The following GRIPAP1 variants were observed in gnomAD, a reference collection of about 807,000 sequenced individuals.
The protein encoded by GRIPAP1 is GRIP1-associated protein 1.
Under a neutral mutation model 84.1 loss-of-function variants are expected in GRIPAP1, and 14 were observed. That is an observed-to-expected ratio of 0.17 (90% CI 0.11 to 0.26). The LOEUF (loss-of-function observed/expected upper bound fraction) is 0.26, where lower values mean the gene tolerates loss of function less well. GRIPAP1 is among the 10% of genes least tolerant of loss of function. GRIPAP1 has a pLI of 1.00. For synonymous variants in GRIPAP1, 261 were observed against 256.8 expected (o/e 1.02, Z -0.15); for missense variants, 518 against 674.2 (o/e 0.77, Z 2.57).
intron 12 of GRIPAP1, 77 bp from the exon 13 acceptor site, chrX:48,987,954 G>GACAC (rs781921365): frequency 0.062 from 21,245 of 345,185 alleles, 609 homozygotes; most frequent in Admixed American, 0.074. Flanking sequence ...AGAAAGAAAG[G>GACAC]ACACACACAC....
At chrX:49,002,046 A>T in intron 1 of GRIPAP1, 142 bp downstream of exon 1, 1 of 415,691 alleles carries the variant, frequency 2.4e-6, no homozygotes, top group Non-Finnish European at 4.3e-6. Context: ...CACCACTCCG[A>T]GCCTCAGTTT....
chrX:48,987,954 GACACACACACAC>G (rs781921365), intron 12 of GRIPAP1, 77 bp from the exon 13 acceptor site: 1,005 of 356,718 alleles, frequency 2.8e-3, no homozygotes, highest in Middle Eastern at 4.6e-3. Flanking sequence ...AGAAAGAAAG[GACACACACACAC>G]ACACACACAC....
chrX:48,978,473 C>G, intron 21 of GRIPAP1, 38 bp from the exon 22 acceptor site: 1 of 1,133,067 alleles, frequency 8.8e-7, no homozygotes, highest in South Asian at 2.1e-5. Flanking sequence ...AGCCCCAATA[C>G]CCCTGAGTCC....
chrX:48,980,964 A>G (rs1362972956), intron 21 of GRIPAP1, among the ~76,000 whole-genome samples: 1 of 111,789 alleles, frequency 8.9e-6, no homozygotes, highest in East Asian at 2.8e-4. Flanking sequence ...GGAAAGAGAG[A>G]GAACAAACTG....
chrX:48,982,778 C>G lies in GRIPAP1; in HGVS notation c.1599+201G>C, dbSNP rs1327908190. Among the ~76,000 whole-genome samples the G allele has an allele frequency of 1.1e-4, 12 of 112,550 alleles. No homozygotes were observed. The Admixed American group carries it at 1.1e-3, about 11-fold the overall frequency. On this transcript the variant is annotated intron_variant, in intron 17 of 25. Coordinates refer to ENST00000376423, the MANE Select transcript of GRIPAP1 (RefSeq NM_020137.5). ...CCAAATTTGCACAAAGGCAGGGCAGCCTTAACACGTGACAGTCTGTCCTAT... is the reference window on the plus strand; with the variant it reads ...CCAAATTTGCACAAAGGCAGGGCAGGCTTAACACGTGACAGTCTGTCCTAT...
rs1230664462 is a variant in GRIPAP1 at position 48,983,310 on chromosome X, C to T, written c.1403G>A (p.Arg468His). The stretch of plus-strand genomic sequence containing the variant: ...CAGCTCTCGGAGCTCACGCTCATAG[C>T]GGGCACGCACCCCCAGCACCTCCTT... The part of the protein sequence containing the change: ...HEKEVLGVRA[R>H]YERELRELHE... The change falls in exon 16 of 26, where the codon CGC becomes CAC. Residue 468 changes from arginine to histidine, a missense_variant. By Grantham distance (29) the Arg-to-His change is conservative. Transcript: ENST00000376423. The T allele has an allele frequency of 1.6e-5, 19 of 1,210,815 alleles. No individual in the cohort carries two copies. The highest frequency in any genetic ancestry group is 3.5e-5 in the South Asian group (2 of 56,920).
intron 8 of GRIPAP1, 102 bp from the exon 9 acceptor site, chrX:48,990,105 C>A: frequency 1.5e-6 from 1 of 675,327 alleles, no homozygotes. Context: ...TTTTTGGAAG[C>A]CAGGATTTAC....
intron 24 of GRIPAP1, chrX:48,975,555 G>C: frequency 2.7e-6 from 1 of 375,457 alleles, no homozygotes; most frequent in Non-Finnish European, 4.6e-6. Flanking sequence ...GAAGCACAGA[G>C]CACACAGAAA....
chrX:48,993,174 C>G (rs1236952251), intron 6 of GRIPAP1, among the ~76,000 whole-genome samples: 3 of 112,965 alleles, frequency 2.7e-5, no homozygotes, highest in Non-Finnish European at 5.6e-5. Flanking sequence ...CTGCTAGGTA[C>G]CAGACACTGA....
Position 48,999,308 on chromosome X carries a change from G to A in GRIPAP1, c.110-9C>T, listed in dbSNP as rs376683945. 28 of 1,193,288 alleles carry A rather than the reference G, an allele frequency of 2.3e-5. No homozygotes were observed. Among genetic ancestry groups the A allele is most frequent in the Admixed American group, 4.4e-5 (2 of 45,559 alleles). The stretch of plus-strand genomic sequence containing the variant: ...TCGAAGACTGGTGAGTTCTGGTGTC[G>A]GGAAAGCAGGGAAACTCAGCCTCAG... On this transcript the variant is annotated splice_polypyrimidine_tract_variant and intron_variant, in intron 2 of 25. Coordinates refer to ENST00000376423, the MANE Select transcript of GRIPAP1 (RefSeq NM_020137.5).
intron 21 of GRIPAP1, among the ~76,000 whole-genome samples, chrX:48,978,703 G>A: frequency 9.1e-6 from 1 of 109,913 alleles, no homozygotes; most frequent in Middle Eastern, 4.7e-3. Flanking sequence ...AGAACAGCCT[G>A]GCCAACATGA....
intron 11 of GRIPAP1, 149 bp downstream of exon 11, chrX:48,989,462 C>T (rs2064508763): frequency 2.3e-6 from 1 of 442,495 alleles, no homozygotes; most frequent in South Asian, 3.6e-5. Flanking sequence ...CTCTCCAATT[C>T]CCATTTTCCT....
At chrX:48,974,692 C>T (rs782234381) in intron 25 of GRIPAP1, among the ~76,000 whole-genome samples, 2 of 111,737 alleles carry the variant, frequency 1.8e-5, no homozygotes, top group Non-Finnish European at 3.8e-5. Flanking sequence ...GACCCATGGG[C>T]ATGGGGGATC....
intron 13 of GRIPAP1, among the ~76,000 whole-genome samples, chrX:48,986,297 C>T (rs782573292): frequency 9.1e-6 from 1 of 109,790 alleles, no homozygotes; most frequent in South Asian, 4.0e-4. Flanking sequence ...ACCTATAATC[C>T]CAGCACTTTG....
Position 48,983,763 on chromosome X carries a change from A to T in GRIPAP1, c.1272+12T>A. ...CCCCCATCCTCTCCCTTCAACCCTC[A>T]TGTTCCCCTACCTTCCGAGCCTCCT... On this transcript the variant is annotated intron_variant, in intron 15 of 25. Coordinates refer to ENST00000376423, the MANE Select transcript of GRIPAP1 (RefSeq NM_020137.5). 9.6e-7 allele frequency: 1 copy of T among 1,042,411 alleles called. No individual in the cohort carries two copies. The allele number at this position is 1,042,411 out of a possible 1,213,427, so 85.9% of individuals were successfully genotyped here.
chrX:49,001,122 A>ACACC (rs1357293053), intron 1 of GRIPAP1, among the ~76,000 whole-genome samples: 4 of 111,127 alleles, frequency 3.6e-5, no homozygotes, highest in African/African-American at 1.3e-4. Context: ...GAATGGCCCT[A>ACACC]CACCCTTCAG....
At chrX:48,978,171 G>A (rs1032851856) in intron 22 of GRIPAP1, 134 bp downstream of exon 22, 2 of 653,054 alleles carry the variant, frequency 3.1e-6, no homozygotes, top group Non-Finnish European at 4.6e-6. Flanking sequence ...GGTGGGCTTG[G>A]GGAAAAGTTG....
chrX:48,975,368 A>C (rs1183388123), intron 24 of GRIPAP1, 59 bp from the exon 25 acceptor site: 3 of 1,094,099 alleles, frequency 2.7e-6, no homozygotes, highest in Non-Finnish European at 3.7e-6. Context: ...AGCCAGGCAG[A>C]GCCAGAGGAG....
chrX:48,978,277 G>C (rs782469715), intron 22 of GRIPAP1, 28 bp downstream of exon 22: 1 of 1,206,106 alleles, frequency 8.3e-7, no homozygotes, highest in East Asian at 3.0e-5. Context: ...AGAGAAGCTG[G>C]AGCTGTAGGT....
Sources: gnomAD v4.1 joint callset for allele counts (sites outside exome capture counted in the v4.1 genomes callset) on GRCh38, gnomAD v4.1.1 for gene constraint, MANE v1.5 for transcripts, NCBI Gene and HGNC (gene_info 2026-07-23, HGNC 2026-07-21) for gene names.